The following SOAT1 variants were observed in gnomAD, a reference collection of about 807,000 sequenced individuals.
The protein encoded by SOAT1 is acyl-coenzyme A:cholesterol acyltransferase 1.
Under a neutral mutation model 69.5 loss-of-function variants are expected in SOAT1, and 55 were observed. That is an observed-to-expected ratio of 0.79 (90% CI 0.64 to 0.99). The LOEUF (loss-of-function observed/expected upper bound fraction) is 0.99, where lower values mean the gene tolerates loss of function less well. Ranked by LOEUF, SOAT1 falls within the 50% of genes least tolerant of loss-of-function variation. The probability of loss-of-function intolerance (pLI) is 0.00; values close to 1 mark genes in which losing one functional copy is unlikely to be tolerated. For synonymous variants in SOAT1, 231 were observed against 224.7 expected (o/e 1.03, Z -0.25); for missense variants, 580 against 669.3 (o/e 0.87, Z 1.47).
chr1:179,335,158 G>A (rs6684373), intron 3 of SOAT1, among the ~76,000 whole-genome samples: 3,059 of 152,130 alleles, frequency 0.02, 45 homozygotes, highest in Admixed American at 0.021. Flanking sequence ...GAGCCCTAGA[G>A]TTCAGCTTGG....
chr1:179,318,571 A>T (rs548319586), intron 2 of SOAT1, among the ~76,000 whole-genome samples: 1 of 152,284 alleles, frequency 6.6e-6, no homozygotes, highest in South Asian at 2.1e-4. Flanking sequence ...TATTTTTAGC[A>T]TCACCTCCCC....
rs199917231 is a variant in SOAT1 at position 179,346,200 on chromosome 1, A to G, written c.1117+1124A>G. ...CTGTCCCTAAAATAGAATATGTGTT[A>G]CATACTTGAGTGTCTTCCTCACTAG... On this transcript the variant is annotated intron_variant, in intron 11 of 15. Transcript: ENST00000367619. Among the ~76,000 whole-genome samples the G allele has an allele frequency of 4.6e-5, 7 of 152,176 alleles. No individual in the cohort carries two copies. The East Asian group carries it at 1.3e-3, about 29-fold the overall frequency.
chr1:179,339,063 C>T (rs903767393), intron 5 of SOAT1, among the ~76,000 whole-genome samples: 2 of 151,846 alleles, frequency 1.3e-5, no homozygotes, highest in African/African-American at 2.4e-5. Flanking sequence ...GTTTTATAGA[C>T]GTGTAGGGTA....
intron 1 of SOAT1, among the ~76,000 whole-genome samples, chr1:179,295,742 G>A (rs377459688): frequency 1.1e-4 from 16 of 151,952 alleles, no homozygotes; most frequent in African/African-American, 3.9e-4. Flanking sequence ...AGGTTCAAGG[G>A]ATATTCATGC....
intron 4 of SOAT1, among the ~76,000 whole-genome samples, chr1:179,336,470 CAAAAAAAA>C (rs71569242): frequency 7.6e-5 from 6 of 79,074 alleles, no homozygotes; most frequent in East Asian, 3.5e-4. Context: ...ACCCTGTCTC[CAAAAAAAA>C]AAAAAAAAAA....
intron 3 of SOAT1, among the ~76,000 whole-genome samples, chr1:179,327,173 A>G (rs747703050): frequency 4.6e-5 from 7 of 152,214 alleles, no homozygotes; most frequent in Non-Finnish European, 8.8e-5. Flanking sequence ...ATTTACTAAC[A>G]TGGAAGGACT....
chr1:179,342,967 T>C (rs4651024), intron 9 of SOAT1, 24 bp downstream of exon 9: 771,667 of 1,588,346 alleles, frequency 0.49, 188,958 homozygotes, highest in Non-Finnish European at 0.5. Context: ...GAACCAGAAA[T>C]GTGGTAAACA....
chr1:179,314,610 A>AT (rs1302752667), intron 2 of SOAT1, among the ~76,000 whole-genome samples: 1 of 152,030 alleles, frequency 6.6e-6, no homozygotes, highest in Non-Finnish European at 1.5e-5. Flanking sequence ...TTTGTAGAGA[A>AT]TGGGGGGGTC....
Position 179,351,534 on chromosome 1 carries a change from T to C in SOAT1, c.1596+72T>C, listed in dbSNP as rs1571461712. ...TGTTTGTGAGAGTTGGTGGGCAATG[T>C]TGAGGAGCACAGTAGTGGAGATTAT... On this transcript the variant is annotated intron_variant, in intron 15 of 15. Transcript: ENST00000367619. 1.7e-5 allele frequency: 24 copies of C among 1,418,362 alleles called. No homozygotes were observed. The Admixed American group carries it at 2.0e-4, about 12-fold the overall frequency. 87.9% of individuals were successfully genotyped at this position (1,418,362 alleles called of 1,614,324 possible). A position where few individuals can be genotyped will look rare whatever the true frequency, so the allele number is the denominator to read the frequency against.
rs1400848396 is a variant in SOAT1, at chr1:179,335,642, ACAAC to A, written c.317_320del (p.Asn106IlefsTer6). The A allele has an allele frequency of 6.2e-7, 1 of 1,613,042 alleles. No individual in the cohort carries two copies. The highest frequency in any genetic ancestry group is 8.5e-7 in the Non-Finnish European group (1 of 1,179,564). Reference sequence around the variant, plus strand: ...TTTTCTGTTCTTGAAGGAGAGAAAAACAACCATAGAGCGAAGTAAGTATGTGCTA... The same window carrying A: ...TTTTCTGTTCTTGAAGGAGAGAAAAACATAGAGCGAAGTAAGTATGTGCTA... On this transcript the variant is annotated frameshift_variant, in exon 4 of 16. Coordinates refer to ENST00000367619, the MANE Select transcript of SOAT1 (RefSeq NM_003101.6). LOFTEE classifies it high-confidence loss of function.
chr1:179,297,626 C>T lies in SOAT1; in HGVS notation c.-9+3690C>T, dbSNP rs559239882. ...CTGGGATTACAGGCGTGAGCCGGTGCGCTTGTTTAAGAAACAGTGGAAGGC... is the reference window on the plus strand; with the variant it reads ...CTGGGATTACAGGCGTGAGCCGGTGTGCTTGTTTAAGAAACAGTGGAAGGC... On this transcript the variant is annotated intron_variant, in intron 1 of 15. Coordinates refer to ENST00000367619, the MANE Select transcript of SOAT1 (RefSeq NM_003101.6). Among the ~76,000 whole-genome samples, 30 of 150,298 alleles carry T rather than the reference C, an allele frequency of 2.0e-4. No homozygotes were observed. In the East Asian group the frequency reaches 5.8e-3, roughly 29 times the overall value.
At chr1:179,313,997 A>G (rs1665308866) in intron 2 of SOAT1, among the ~76,000 whole-genome samples, 1 of 152,194 alleles carries the variant, frequency 6.6e-6, no homozygotes, top group African/African-American at 2.4e-5. Flanking sequence ...TTGTCAAGAA[A>G]AGAGAGCATG....
At chr1:179,322,738 G>GC (rs1284376899) in intron 2 of SOAT1, among the ~76,000 whole-genome samples, 1 of 152,154 alleles carries the variant, frequency 6.6e-6, no homozygotes, top group Non-Finnish European at 1.5e-5. Flanking sequence ...ATTTCTTGGG[G>GC]CAAATTTTCC....
chr1:179,322,040 C>G (rs1665623884), intron 2 of SOAT1, among the ~76,000 whole-genome samples: 1 of 151,848 alleles, frequency 6.6e-6, no homozygotes, highest in African/African-American at 2.4e-5. Flanking sequence ...CACCACCATG[C>G]CTGGCTAATT....
At position 179,358,252 on chromosome 1, in the gene SOAT1, A is replaced by G. The variant is rs1666970856; in HGVS notation, c.*4611A>G. On this transcript the variant is annotated 3_prime_UTR_variant, in exon 16 of 16. Transcript: ENST00000367619. ...ATATTATTAAAGTTTAAAAAACTCT[A>G]AAACTTCTGTACTGTTTTTTTCTTA... 6.6e-6 allele frequency: 1 copy of G among 152,194 alleles called. No individual in the cohort carries two copies. Among genetic ancestry groups the G allele is most frequent in the African/African-American group, 2.4e-5 (1 of 41,448 alleles). 9.4% of individuals were successfully genotyped at this position (152,194 alleles called of 1,614,324 possible).
At chr1:179,345,506 T>C (rs116650010) in intron 11 of SOAT1, among the ~76,000 whole-genome samples, 1,570 of 152,236 alleles carry the variant, frequency 0.01, 39 homozygotes, top group African/African-American at 0.036. Flanking sequence ...CAAGTTGACC[T>C]CCATGAAGCA....
chr1:179,313,836 G>A (rs1046862770), intron 2 of SOAT1, among the ~76,000 whole-genome samples: 6 of 152,020 alleles, frequency 3.9e-5, no homozygotes, highest in Non-Finnish European at 2.9e-5. Flanking sequence ...TGCCTGCCTC[G>A]GCCTCCCAAA....
chr1:179,332,547 C>T (rs1666005610), intron 3 of SOAT1, among the ~76,000 whole-genome samples: 1 of 152,142 alleles, frequency 6.6e-6, no homozygotes, highest in East Asian at 1.9e-4. Flanking sequence ...ACTGCCTCCT[C>T]CCTTCTGCCG....
At chr1:179,306,392 T>C (rs10913714) in intron 2 of SOAT1, among the ~76,000 whole-genome samples, 74,777 of 151,596 alleles carry the variant, frequency 0.49, 19,397 homozygotes, top group East Asian at 0.84. Flanking sequence ...TAATGCCAAA[T>C]AGCAAGCAGT....
Sources: gnomAD v4.1 joint callset for allele counts (sites outside exome capture counted in the v4.1 genomes callset) on GRCh38, gnomAD v4.1.1 for gene constraint, MANE v1.5 for transcripts, NCBI Gene and HGNC (gene_info 2026-07-23, HGNC 2026-07-21) for gene names.